The following SH3TC2 variants were observed in gnomAD, a reference collection of about 807,000 sequenced individuals.
SH3TC2 encodes the protein SH3 domain and tetratricopeptide repeats 2.
Under a neutral mutation model 124.5 loss-of-function variants are expected in SH3TC2, and 87 were observed. The ratio of observed to expected loss-of-function variants is 0.70; its 90% CI spans 0.59 to 0.84. The LOEUF is 0.84. Among genes scored for constraint, SH3TC2 ranks in the 40% least tolerant of loss-of-function variants. The probability of loss-of-function intolerance (pLI) is 0.00; values close to 1 mark genes in which losing one functional copy is unlikely to be tolerated. For missense variants in SH3TC2, 1,536 were observed against 1,566.4 expected (o/e 0.98, Z 0.33); for synonymous variants, 634 against 628.5 (o/e 1.01, Z -0.13).
chr5:149,002,683 T>A lies in SH3TC2; in HGVS notation c.*2028A>T, dbSNP rs1391934837. 6.6e-6 allele frequency: 1 copy of A among 152,232 alleles called. No homozygotes were observed. Among genetic ancestry groups the A allele is most frequent in the Non-Finnish European group, 1.5e-5 (1 of 68,036 alleles). 9.4% of individuals were successfully genotyped at this position (152,232 alleles called of 1,614,324 possible). A position where few individuals can be genotyped will look rare whatever the true frequency, so the allele number is the denominator to read the frequency against. On this transcript the variant is annotated 3_prime_UTR_variant, in exon 17 of 17. Transcript: ENST00000515425. ...ATAATAAAAGCTAAGCTGATGGGCATCAGATGCAGGGAATTATGGCTGGTA... is the reference window on the plus strand; with the variant it reads ...ATAATAAAAGCTAAGCTGATGGGCAACAGATGCAGGGAATTATGGCTGGTA...
intron 7 of SH3TC2, 70 bp from the exon 8 acceptor site, chr5:149,038,560 C>T: frequency 3.3e-6 from 5 of 1,510,654 alleles, no homozygotes; most frequent in South Asian, 1.1e-5. Context: ...CCTTCCAATG[C>T]AATAGAAAAT....
At position 148,993,422 on chromosome 5, in the gene SH3TC2, A is replaced by C. The variant is rs1382891079; in HGVS notation, c.*11289T>G. ...GATTTTGATAAAATAGAAGATGGAA[A>C]AAGGTAGAAATTGTTTAACTGCTCT... is the stretch of plus-strand genomic sequence containing the variant. On this transcript the variant is annotated 3_prime_UTR_variant, in exon 17 of 17. Transcript: ENST00000515425. Among the ~76,000 whole-genome samples, 1 of 152,256 alleles carries C rather than the reference A, an allele frequency of 6.6e-6. No homozygotes were observed. The highest frequency in any genetic ancestry group is 1.9e-4 in the East Asian group (1 of 5,204).
chr5:149,033,424 T>C (rs995730357), intron 8 of SH3TC2, among the ~76,000 whole-genome samples: 11 of 152,192 alleles, frequency 7.2e-5, no homozygotes, highest in Non-Finnish European at 1.3e-4. Flanking sequence ...TAGTACATTA[T>C]TTAAAGAAAG....
In SH3TC2 at chr5:149,063,053, T is replaced by G; in HGVS notation, c.-31A>C. ...TACCATCCTACCCTGGCCGAGGCCC[T>G]TGGGAACACAGGCCAGAAGAGTGCT... On this transcript the variant is annotated 5_prime_UTR_variant, in exon 1 of 17. Transcript: ENST00000515425. 1.3e-6 allele frequency: 2 copies of G among 1,581,150 alleles called. No individual in the cohort carries two copies. The highest frequency in any genetic ancestry group is 1.7e-6 in the Non-Finnish European group (2 of 1,162,054).
At position 148,985,612 on chromosome 5, in the gene SH3TC2, T is replaced by C. The variant is rs1386691287; in HGVS notation, c.*19099A>G. Among the ~76,000 whole-genome samples, 1 of 152,314 alleles carries C rather than the reference T, an allele frequency of 6.6e-6. No homozygotes were observed. Among genetic ancestry groups the C allele is most frequent in the East Asian group, 1.9e-4 (1 of 5,188 alleles). ...ATAGTTTGTTTATCCATTTCCCAGTTTGAAGACATTGGGTTGTTCCAATTT... is the reference window on the plus strand; with the variant it reads ...ATAGTTTGTTTATCCATTTCCCAGTCTGAAGACATTGGGTTGTTCCAATTT... On this transcript the variant is annotated 3_prime_UTR_variant, in exon 17 of 17. Transcript: ENST00000515425.
rs1260310961 is a variant in SH3TC2, at chr5:149,027,718, C to T, written c.2014G>A (p.Val672Met). The T allele has an allele frequency of 1.9e-6, 3 of 1,613,944 alleles. No homozygotes were observed. The highest frequency in any genetic ancestry group is 2.5e-6 in the Non-Finnish European group (3 of 1,179,962). ...TACAGAAAACTCAAAACACTGGCCACAGCCTCAGAGGCAGGAGGGTGTCCA... is the reference window on the plus strand; with the variant it reads ...TACAGAAAACTCAAAACACTGGCCATAGCCTCAGAGGCAGGAGGGTGTCCA... The part of the protein sequence containing the change: ...LSGHPPASEA[V>M]ASVLSFLYDK... The change falls in exon 11 of 17, where the codon GTG (valine) becomes ATG (methionine). Residue 672 changes from valine (V) to methionine (M), a missense_variant. Around this residue, in one of 3 missense-constraint regions of SH3TC2, gnomAD observed 1,102 missense variants for 1,098.6 expected, o/e 1.00. Transcript: ENST00000515425.
At chr5:149,018,636 C>T (rs1167275844) in intron 12 of SH3TC2, among the ~76,000 whole-genome samples, 3 of 152,138 alleles carry the variant, frequency 2.0e-5, no homozygotes, top group Admixed American at 2.0e-4. Flanking sequence ...CAGGTCCCTC[C>T]CACAACACAT....
At chr5:149,031,754 C>G in intron 8 of SH3TC2, 67 bp from the exon 9 acceptor site, 7 of 1,605,166 alleles carry the variant, frequency 4.4e-6, no homozygotes, top group Non-Finnish European at 6.0e-6. Flanking sequence ...CCTCTTCTCT[C>G]CACACTAGGA....
intron 1 of SH3TC2, among the ~76,000 whole-genome samples, chr5:149,058,862 T>C (rs1323182990): frequency 6.6e-6 from 1 of 152,074 alleles, no homozygotes; most frequent in African/African-American, 2.4e-5. Flanking sequence ...AGCATGGCAA[T>C]GGCATAACAA....
rs1410205675 is a variant in SH3TC2 at position 148,984,370 on chromosome 5, ATTAT to A, written c.*20337_*20340del. On this transcript the variant is annotated 3_prime_UTR_variant, in exon 17 of 17. Coordinates refer to ENST00000515425, the MANE Select transcript of SH3TC2 (RefSeq NM_024577.4). ...TTATACATTATAAATATATACAATT[ATTAT>A]TTATCAATTAAAAATACATTTTAAA... Among the ~76,000 whole-genome samples, 1 of 152,046 alleles carries A rather than the reference ATTAT, an allele frequency of 6.6e-6. No individual in the cohort carries two copies. The highest frequency in any genetic ancestry group is 1.5e-5 in the Non-Finnish European group (1 of 68,014).
chr5:149,029,649 G>A (rs940332450), intron 9 of SH3TC2, among the ~76,000 whole-genome samples: 15 of 152,114 alleles, frequency 9.9e-5, no homozygotes, highest in Non-Finnish European at 1.8e-4. Flanking sequence ...GAGGGAGACT[G>A]AAAAGGCACA....
rs575388078 is a variant in SH3TC2, at chr5:149,004,560, C to G, written c.*151G>C. 8.5e-5 allele frequency: 65 copies of G among 767,784 alleles called. No individual in the cohort carries two copies. In the East Asian group the frequency reaches 1.8e-3, roughly 21 times the overall value. 47.6% of individuals were successfully genotyped at this position (767,784 alleles called of 1,614,324 possible). On this transcript the variant is annotated 3_prime_UTR_variant, in exon 17 of 17. Transcript: ENST00000515425. ...AAATCTTTCTGTGGCCTGCAATGAG[C>G]CCTTCTCCTCCTGGACTTCATTCTT...
chr5:148,987,801 T>C lies in SH3TC2; in HGVS notation c.*16910A>G, dbSNP rs1417474272. 1.4e-5 allele frequency among the ~76,000 whole-genome samples: 2 copies of C among 142,354 alleles called. No homozygotes were observed. The highest frequency in any genetic ancestry group is 1.5e-5 in the Non-Finnish European group (1 of 65,752). 93.4% of individuals were successfully genotyped at this position (142,354 alleles called of 152,430 possible). A position where few individuals can be genotyped will look rare whatever the true frequency, so the allele number is the denominator to read the frequency against. On this transcript the variant is annotated 3_prime_UTR_variant, in exon 17 of 17. Transcript: ENST00000515425. ...AGTCATGTCCTCACTCGAGGCCTCA[T>C]TCAAAATCTGTGTGTGTGTGTGTGT...
In SH3TC2 at chr5:148,998,911, C is replaced by T. The variant is rs918718869; in HGVS notation, c.*5800G>A. On this transcript the variant is annotated 3_prime_UTR_variant, in exon 17 of 17. Coordinates refer to ENST00000515425, the MANE Select transcript of SH3TC2 (RefSeq NM_024577.4). ...TGCTGTCCCACCGAAGAGGGAAGAC[C>T]GCCAAGTGAGAGGCCCAGTAGCAAA... 2.0e-5 allele frequency among the ~76,000 whole-genome samples: 3 copies of T among 152,040 alleles called. No homozygotes were observed. The highest frequency in any genetic ancestry group is 2.1e-4 in the South Asian group (1 of 4,804).
chr5:149,061,418 A>G (rs982588753), intron 1 of SH3TC2, among the ~76,000 whole-genome samples: 2 of 152,178 alleles, frequency 1.3e-5, no homozygotes, highest in African/African-American at 4.8e-5. Flanking sequence ...ATGGAGGCCC[A>G]GGGAGAGCGC....
At position 148,991,153 on chromosome 5, in the gene SH3TC2, A is replaced by G. The variant is rs1380575922; in HGVS notation, c.*13558T>C. Reference sequence around the variant, plus strand: ...CCAGGAACATTCACAGCAAAAGACCAATAACTACACATGGGGTAGAAATTA... The same window carrying G: ...CCAGGAACATTCACAGCAAAAGACCGATAACTACACATGGGGTAGAAATTA... On this transcript the variant is annotated 3_prime_UTR_variant, in exon 17 of 17. Coordinates refer to ENST00000515425, the MANE Select transcript of SH3TC2 (RefSeq NM_024577.4). Among the ~76,000 whole-genome samples the G allele has an allele frequency of 6.6e-6, 1 of 152,214 alleles. No individual in the cohort carries two copies. The highest frequency in any genetic ancestry group is 1.5e-5 in the Non-Finnish European group (1 of 68,030).
intron 8 of SH3TC2, among the ~76,000 whole-genome samples, chr5:149,037,560 T>C (rs1379356590): frequency 8.5e-5 from 13 of 152,210 alleles, no homozygotes; most frequent in Non-Finnish European, 1.9e-4. Context: ...ATTTTCCCAG[T>C]GTAGGGCGCT....
At chr5:149,028,745 G>A in intron 9 of SH3TC2, 27 bp from the exon 10 acceptor site, 1 of 1,614,064 alleles carries the variant, frequency 6.2e-7, no homozygotes, top group African/African-American at 1.3e-5. Context: ...AACAGGTCTG[G>A]TGTTAGGTCA....
In SH3TC2 at chr5:149,041,486, A is replaced by T; in HGVS notation, c.661T>A (p.Ser221Thr). ...AGGCCCCGCTGACCTGTCACCAAAG[A>T]CACGCCTTCCAACTCGGAGCCAGCT... ...AEAGSELEGV[S>T]LVTGQRGLVL... The change falls in exon 6 of 17, where the codon TCT (serine) becomes ACT (threonine). Residue 221 changes from serine to threonine, a missense_variant. This residue lies in a region of SH3TC2 where 1,102 missense variants were observed against 1,098.6 expected (regional missense o/e 1.00). Transcript: ENST00000515425. 1.2e-6 allele frequency: 2 copies of T among 1,614,118 alleles called. No homozygotes were observed. The highest frequency in any genetic ancestry group is 2.2e-5 in the South Asian group (2 of 91,078).
Sources: allele counts gnomAD v4.1 joint callset (sites outside exome capture counted in the v4.1 genomes callset), GRCh38; gene constraint gnomAD v4.1.1; regional missense constraint gnomAD v4.1.1; transcripts MANE v1.5; gene names NCBI Gene and HGNC (gene_info 2026-07-23, HGNC 2026-07-21).